The following WWOX variants were observed in gnomAD, a reference collection of about 807,000 sequenced individuals.
The protein encoded by WWOX is WW domain-containing oxidoreductase.
A neutral mutation model predicts 46.2 loss-of-function variants in WWOX; 69 were observed. The ratio of observed to expected loss-of-function variants is 1.49; its 90% CI spans 1.23 to 1.82. WWOX has a LOEUF of 1.82. Among genes scored for constraint, WWOX ranks in the 40% most tolerant of loss-of-function variants. The pLI, the probability that WWOX is intolerant of heterozygous loss-of-function variation, is 0.00. For synonymous variants in WWOX, 359 were observed against 202.6 expected (o/e 1.77, Z -6.56); for missense variants, 919 against 542.6 (o/e 1.69, Z -6.89).
chr16:78,286,555 A>G (rs1486656941), intron 5 of WWOX, among the ~76,000 whole-genome samples: 1 of 152,172 alleles, frequency 6.6e-6, no homozygotes, highest in African/African-American at 2.4e-5. Context: ...TAATTAAGGA[A>G]AATGTGATCG....
intron 8 of WWOX, among the ~76,000 whole-genome samples, chr16:78,952,771 T>A (rs2046088157): frequency 6.6e-6 from 1 of 152,144 alleles, no homozygotes; most frequent in South Asian, 2.1e-4. Flanking sequence ...CCCCAACGTA[T>A]CCCTACTGCC....
chr16:78,376,227 A>G (rs958498159), intron 5 of WWOX, among the ~76,000 whole-genome samples: 3 of 151,644 alleles, frequency 2.0e-5, no homozygotes, highest in African/African-American at 7.3e-5. Context: ...GTTTTTACTG[A>G]TAAGGAAGCT....
rs2049665474 is a variant in WWOX, at chr16:78,756,976, A to C, written c.1056+324224A>C. The stretch of plus-strand genomic sequence containing the variant: ...TGCCATGTTGGGAGGATACTCAAGC[A>C]TACCCGTGTAGAAGAACTGAGCCTC... On this transcript the variant is annotated intron_variant, in intron 8 of 8. Transcript: ENST00000566780. 4.3e-6 allele frequency: 3 copies of C among 703,018 alleles called. No individual in the cohort carries two copies. In the East Asian group the frequency reaches 8.0e-5, roughly 19 times the overall value. 43.5% of individuals were successfully genotyped at this position (703,018 alleles called of 1,614,324 possible).
At chr16:79,089,869 T>C (rs2048922291) in intron 8 of WWOX, among the ~76,000 whole-genome samples, 1 of 149,594 alleles carries the variant, frequency 6.7e-6, no homozygotes, top group Admixed American at 6.7e-5. Flanking sequence ...ATGCTGGATA[T>C]GGGGGCGGTT....
At chr16:78,958,832 T>C (rs1308538795) in intron 8 of WWOX, among the ~76,000 whole-genome samples, 1 of 152,244 alleles carries the variant, frequency 6.6e-6, no homozygotes, top group Admixed American at 6.5e-5. Context: ...AGGAAGGTTA[T>C]GTAATTTTAA....
intron 8 of WWOX, among the ~76,000 whole-genome samples, chr16:78,806,148 T>A (rs1326542893): frequency 2.0e-5 from 3 of 152,202 alleles, no homozygotes; most frequent in Admixed American, 2.0e-4. Flanking sequence ...TTCAAATGTT[T>A]CACTTAATTC....
chr16:78,767,546 A>G (rs1019058915), intron 8 of WWOX, among the ~76,000 whole-genome samples: 17 of 151,994 alleles, frequency 1.1e-4, no homozygotes, highest in South Asian at 4.2e-4. Flanking sequence ...ACCAATATCT[A>G]TTCAGATCTC....
At chr16:78,502,752 A>G (rs2085101084) in intron 8 of WWOX, among the ~76,000 whole-genome samples, 1 of 152,188 alleles carries the variant, frequency 6.6e-6, no homozygotes, top group African/African-American at 2.4e-5. Context: ...TGCATCAGAA[A>G]AAAGTCATCA....
chr16:78,711,353 A>G (rs2048440844), intron 8 of WWOX, among the ~76,000 whole-genome samples: 1 of 152,214 alleles, frequency 6.6e-6, no homozygotes, highest in Admixed American at 6.5e-5. Flanking sequence ...TAGTTCTTCA[A>G]AAAATAGGAA....
intron 8 of WWOX, among the ~76,000 whole-genome samples, chr16:78,845,967 G>T (rs1194666577): frequency 1.3e-5 from 2 of 152,214 alleles, no homozygotes; most frequent in Non-Finnish European, 2.9e-5. Flanking sequence ...CATTTGGAAG[G>T]GGTGGCCTAA....
At position 78,634,745 on chromosome 16, in the gene WWOX, G is replaced by A. The variant is rs146973035; in HGVS notation, c.1056+201993G>A. On this transcript the variant is annotated intron_variant, in intron 8 of 8. Transcript: ENST00000566780. The stretch of plus-strand genomic sequence containing the variant: ...AAAAAGTTCTAAATCAGTGGATTCT[G>A]CCGATAAACATCATCTGGACGGAAT... Among the ~76,000 whole-genome samples the A allele has an allele frequency of 7.6e-4, 114 of 150,088 alleles. 2 individuals carry two copies. In the East Asian group the frequency reaches 0.015, roughly 20 times the overall value.
chr16:78,818,584 G>A (rs528094319), intron 8 of WWOX, among the ~76,000 whole-genome samples: 16 of 152,246 alleles, frequency 1.1e-4, no homozygotes, highest in African/African-American at 3.1e-4. Context: ...TTTAAAAATC[G>A]GCTGGGCATG....
chr16:78,831,735 A>T (rs370935066), intron 8 of WWOX, among the ~76,000 whole-genome samples: 1 of 152,294 alleles, frequency 6.6e-6, no homozygotes, highest in East Asian at 1.9e-4. Context: ...TTCAATAAGT[A>T]CTCAGTAAAT....
chr16:78,709,136 A>C (rs774916298), intron 8 of WWOX, among the ~76,000 whole-genome samples: 2 of 152,146 alleles, frequency 1.3e-5, no homozygotes, highest in African/African-American at 2.4e-5. Context: ...CTCGTTCTCT[A>C]AATCCATGAA....
chr16:78,925,214 A>G (rs548727238), intron 8 of WWOX, among the ~76,000 whole-genome samples: 1 of 152,166 alleles, frequency 6.6e-6, no homozygotes, highest in South Asian at 2.1e-4. Flanking sequence ...ACAAAAAGAA[A>G]ACGTGCTCAT....
intron 8 of WWOX, among the ~76,000 whole-genome samples, chr16:78,671,943 C>A (rs536682334): frequency 1.3e-5 from 2 of 152,078 alleles, no homozygotes; most frequent in South Asian, 2.1e-4. Context: ...TAGGATTTGG[C>A]CTTCAACTGG....
intron 5 of WWOX, among the ~76,000 whole-genome samples, chr16:78,309,119 C>G (rs1438944072): frequency 6.6e-6 from 1 of 152,206 alleles, no homozygotes; most frequent in Admixed American, 6.5e-5. Context: ...TATGGTTTGG[C>G]TGCATCCCCA....
intron 6 of WWOX, among the ~76,000 whole-genome samples, chr16:78,418,715 TAAA>T (rs1348850370): frequency 1.3e-5 from 2 of 152,088 alleles, no homozygotes; most frequent in Non-Finnish European, 2.9e-5. Flanking sequence ...AATACATACA[TAAA>T]AACATGTTTT....
At chr16:78,761,353 A>G (rs954900441) in intron 8 of WWOX, among the ~76,000 whole-genome samples, 5 of 152,188 alleles carry the variant, frequency 3.3e-5, no homozygotes, top group Non-Finnish European at 5.9e-5. Context: ...TTTAAAAGAC[A>G]TGATGAGTTT....
Sources: gnomAD v4.1 joint callset for allele counts (sites outside exome capture counted in the v4.1 genomes callset) on GRCh38, gnomAD v4.1.1 for gene constraint, MANE v1.5 for transcripts, NCBI Gene and HGNC (gene_info 2026-07-23, HGNC 2026-07-21) for gene names.